DLGAP1: variants seen among roughly 807,000 people sequenced by gnomAD.
The protein encoded by DLGAP1 is disks large-associated protein 1.
A neutral mutation model predicts 90.8 loss-of-function variants in DLGAP1; 11 were observed. The observed-to-expected ratio is 0.12, with a 90% confidence interval of 0.08 to 0.20. The LOEUF is 0.20. DLGAP1 is among the 10% of genes least tolerant of loss of function. The pLI, the probability that DLGAP1 is intolerant of heterozygous loss-of-function variation, is 1.00. For synonymous variants in DLGAP1, 558 were observed against 540.7 expected (o/e 1.03, Z -0.44); for missense variants, 1,050 against 1,333.8 (o/e 0.79, Z 3.31).
At chr18:3,581,664 G>GAAAAA (rs71159093) in intron 8 of DLGAP1, among the ~76,000 whole-genome samples, 2 of 142,076 alleles carry the variant, frequency 1.4e-5, no homozygotes, top group Non-Finnish European at 1.5e-5. Flanking sequence ...TTCTCACCAT[G>GAAAAA]AAAAAAAAAA....
intron 3 of DLGAP1, among the ~76,000 whole-genome samples, chr18:3,905,635 CAATT>C (rs1301859520): frequency 6.6e-6 from 1 of 152,050 alleles, no homozygotes; most frequent in Non-Finnish European, 1.5e-5. Context: ...AATTTCGAAT[CAATT>C]GTTTGTTAAA....
chr18:3,895,118 C>G (rs1478156715), intron 3 of DLGAP1, among the ~76,000 whole-genome samples: 1 of 152,162 alleles, frequency 6.6e-6, no homozygotes, highest in Non-Finnish European at 1.5e-5. Context: ...CGTGCAGGTG[C>G]TATTACTCTT....
chr18:3,877,357 C>A (rs759834235), intron 4 of DLGAP1, among the ~76,000 whole-genome samples: 1 of 152,314 alleles, frequency 6.6e-6, no homozygotes, highest in East Asian at 1.9e-4. Flanking sequence ...TCATTACTAA[C>A]AAAGGCTTAT....
chr18:4,165,025 C>T (rs564327348), intron 1 of DLGAP1, among the ~76,000 whole-genome samples: 2 of 151,860 alleles, frequency 1.3e-5, no homozygotes, highest in Non-Finnish European at 2.9e-5. Context: ...TACAAAAATC[C>T]AAATTCATAT....
intron 4 of DLGAP1, among the ~76,000 whole-genome samples, chr18:3,868,438 T>C (rs973435249): frequency 2.0e-5 from 3 of 152,094 alleles, no homozygotes; most frequent in African/African-American, 7.2e-5. Flanking sequence ...ATTTACTGCC[T>C]AAGGGGATGC....
intron 1 of DLGAP1, among the ~76,000 whole-genome samples, chr18:4,157,515 A>C (rs1044471446): frequency 3.3e-5 from 5 of 152,226 alleles, no homozygotes; most frequent in African/African-American, 1.2e-4. Flanking sequence ...AGAGATTTCA[A>C]GGCAGGCTGG....
chr18:3,913,881 A>G (rs989058931), intron 3 of DLGAP1, among the ~76,000 whole-genome samples: 4 of 152,238 alleles, frequency 2.6e-5, no homozygotes, highest in Non-Finnish European at 5.9e-5. Context: ...AACAGAAACC[A>G]AAAGAATAAT....
At chr18:3,802,884 G>A (rs185704287) in intron 5 of DLGAP1, among the ~76,000 whole-genome samples, 1 of 152,090 alleles carries the variant, frequency 6.6e-6, no homozygotes, top group African/African-American at 2.4e-5. Flanking sequence ...CTCTTTACTT[G>A]GGGCCTCCAT....
chr18:3,926,398 T>A (rs2072382341), intron 3 of DLGAP1, among the ~76,000 whole-genome samples: 1 of 61,540 alleles, frequency 1.6e-5, no homozygotes, highest in African/African-American at 5.0e-5. Context: ...TGTAAGCAAA[T>A]GACATATATA....
rs531883706 is a variant in DLGAP1, at chr18:4,239,532, T to A, written c.-266-88245A>T. ...AAAAAGAAAACTATAAAAATTGATTTCTTCTTTTTTTCGTATGGAAGTGGT... is the reference window on the plus strand; with the variant it reads ...AAAAAGAAAACTATAAAAATTGATTACTTCTTTTTTTCGTATGGAAGTGGT... On this transcript the variant is annotated intron_variant, in intron 1 of 12. Transcript: ENST00000315677. Among the ~76,000 whole-genome samples the A allele has an allele frequency of 6.6e-5, 10 of 152,268 alleles. 1 individual carries two copies. In the South Asian group the frequency reaches 2.1e-3, roughly 32 times the overall value.
intron 2 of DLGAP1, among the ~76,000 whole-genome samples, chr18:4,039,534 A>G (rs2074944478): frequency 1.3e-5 from 2 of 152,248 alleles, no homozygotes; most frequent in African/African-American, 4.8e-5. Flanking sequence ...CAAAATATAA[A>G]AAAATCAAAC....
At chr18:3,796,052 G>A (rs567816162) in intron 5 of DLGAP1, among the ~76,000 whole-genome samples, 2 of 152,096 alleles carry the variant, frequency 1.3e-5, no homozygotes, top group Non-Finnish European at 2.9e-5. Context: ...CTGAGTTATT[G>A]CCAATTAGTA....
intron 2 of DLGAP1, among the ~76,000 whole-genome samples, chr18:4,075,149 T>G (rs982616112): frequency 2.5e-4 from 38 of 152,184 alleles, no homozygotes; most frequent in Non-Finnish European, 8.8e-5. Flanking sequence ...CACTTGACAT[T>G]AAAATGCTTT....
At chr18:4,270,465 A>G (rs2079251619) in intron 1 of DLGAP1, among the ~76,000 whole-genome samples, 1 of 152,200 alleles carries the variant, frequency 6.6e-6, no homozygotes, top group Non-Finnish European at 1.5e-5. Flanking sequence ...AAACTTGAGT[A>G]AGTAACTTTT....
chr18:4,243,295 C>T (rs958370792), intron 1 of DLGAP1, among the ~76,000 whole-genome samples: 2 of 152,220 alleles, frequency 1.3e-5, no homozygotes, highest in African/African-American at 4.8e-5. Flanking sequence ...AACAAGTACT[C>T]CTTACGTAAC....
At chr18:4,156,885 G>A (rs1373883854) in intron 1 of DLGAP1, among the ~76,000 whole-genome samples, 3 of 152,176 alleles carry the variant, frequency 2.0e-5, no homozygotes, top group Non-Finnish European at 4.4e-5. Context: ...TGGCCATAGG[G>A]CCGAGTGCAC....
chr18:4,277,478 G>T (rs887469754), intron 1 of DLGAP1, among the ~76,000 whole-genome samples: 3 of 152,160 alleles, frequency 2.0e-5, no homozygotes, highest in Non-Finnish European at 2.9e-5. Context: ...TAGTTTCTGT[G>T]GGTTTTCTGT....
chr18:4,368,153 C>T (rs923673950), intron 1 of DLGAP1, among the ~76,000 whole-genome samples: 4 of 152,056 alleles, frequency 2.6e-5, no homozygotes, highest in Admixed American at 6.5e-5. Flanking sequence ...TCAGAGGCAG[C>T]GTCTTGGCTA....
chr18:3,620,907 T>C (rs950396043), intron 7 of DLGAP1, among the ~76,000 whole-genome samples: 7 of 152,124 alleles, frequency 4.6e-5, no homozygotes, highest in African/African-American at 1.7e-4. Context: ...ATTATACATA[T>C]TTCTAGAGCT....
Sources: gnomAD v4.1 joint callset for allele counts (sites outside exome capture counted in the v4.1 genomes callset) on GRCh38, gnomAD v4.1.1 for gene constraint, MANE v1.5 for transcripts, NCBI Gene and HGNC (gene_info 2026-07-23, HGNC 2026-07-21) for gene names.